The following AGPAT3 variants were observed in gnomAD, a reference collection of about 807,000 sequenced individuals.
The protein encoded by AGPAT3 is 1-acyl-sn-glycerol-3-phosphate acyltransferase gamma.
A neutral mutation model predicts 47.3 loss-of-function variants in AGPAT3; 5 were observed. The ratio of observed to expected loss-of-function variants is 0.11; its 90% confidence interval spans 0.06 to 0.22. AGPAT3 has a LOEUF of 0.22. AGPAT3 is among the 10% of genes least tolerant of loss of function. The pLI is 1.00. For missense variants in AGPAT3, 315 were observed against 493.0 expected (o/e 0.64, Z 3.42); for synonymous variants, 212 against 208.3 (o/e 1.02, Z -0.15).
chr21:43,958,220 G>A (rs1401638729), intron 2 of AGPAT3, among the ~76,000 whole-genome samples: 2 of 151,982 alleles, frequency 1.3e-5, no homozygotes, highest in African/African-American at 2.4e-5. Context: ...TTTCTTTCTG[G>A]TTTGCATGGG....
At chr21:43,895,759 GTTCT>G (rs2086202108) in intron 1 of AGPAT3, among the ~76,000 whole-genome samples, 2 of 151,574 alleles carry the variant, frequency 1.3e-5, no homozygotes, top group African/African-American at 4.9e-5. Context: ...CTAATTTTTT[GTTCT>G]TTGTTTTTCG....
In AGPAT3 at chr21:43,883,110, G is replaced by C. The variant is rs1281093172; in HGVS notation, c.-112+17765G>C. Reference sequence around the variant, plus strand: ...AGACTGTGAAGCTGTGATACACACAGAGTTGCTCCTTCCCTTCCTGGCTGG... The same window carrying C: ...AGACTGTGAAGCTGTGATACACACACAGTTGCTCCTTCCCTTCCTGGCTGG... On this transcript the variant is annotated intron_variant, in intron 1 of 9. Coordinates refer to ENST00000291572, the MANE Select transcript of AGPAT3 (RefSeq NM_020132.5). Among the ~76,000 whole-genome samples, 5 of 152,368 alleles carry C rather than the reference G, an allele frequency of 3.3e-5. No homozygotes were observed. In the South Asian group the frequency reaches 1.0e-3, roughly 32 times the overall value.
intron 2 of AGPAT3, among the ~76,000 whole-genome samples, chr21:43,940,824 C>G (rs2087629188): frequency 6.6e-6 from 1 of 152,240 alleles, no homozygotes; most frequent in Non-Finnish European, 1.5e-5. Flanking sequence ...CCCAGCTGCC[C>G]TTGACCAGAG....
intron 1 of AGPAT3, among the ~76,000 whole-genome samples, chr21:43,872,339 C>A (rs2085640580): frequency 1.3e-5 from 2 of 152,090 alleles, no homozygotes; most frequent in African/African-American, 4.8e-5. Flanking sequence ...CGCCACCATG[C>A]CTAGCTAATT....
At chr21:43,940,008 T>G (rs189459117) in intron 2 of AGPAT3, among the ~76,000 whole-genome samples, 63 of 152,030 alleles carry the variant, frequency 4.1e-4, no homozygotes, top group African/African-American at 1.4e-3. Flanking sequence ...GTCCCTTGAG[T>G]TGGTCTCTGT....
intron 4 of AGPAT3, among the ~76,000 whole-genome samples, chr21:43,968,353 A>G (rs1299703052): frequency 7.1e-6 from 1 of 140,340 alleles, no homozygotes; most frequent in Non-Finnish European, 1.5e-5. Context: ...TAGGGTGAGC[A>G]CCTTCCAGGG....
At chr21:43,937,327 T>C (rs957661984) in intron 2 of AGPAT3, among the ~76,000 whole-genome samples, 3 of 152,256 alleles carry the variant, frequency 2.0e-5, no homozygotes, top group Non-Finnish European at 2.9e-5. Context: ...TAGCAGAATC[T>C]GCCTTGAGCT....
chr21:43,882,773 C>T lies in AGPAT3; in HGVS notation c.-112+17428C>T, dbSNP rs556122158. ...CAGAGGGCCCTTGCTTGGGTCTCCT[C>T]CAGCCACGGGTGCCCTGGTCTTGGG... is the stretch of plus-strand genomic sequence containing the variant. On this transcript the variant is annotated intron_variant, in intron 1 of 9. Transcript: ENST00000291572. Among the ~76,000 whole-genome samples the T allele has an allele frequency of 2.0e-5, 3 of 152,348 alleles. No individual in the cohort carries two copies. In the South Asian group the frequency reaches 6.2e-4, roughly 32 times the overall value.
At chr21:43,968,345 G>A (rs905957544) in intron 4 of AGPAT3, among the ~76,000 whole-genome samples, 1 of 150,780 alleles carries the variant, frequency 6.6e-6, no homozygotes, top group African/African-American at 2.4e-5. Context: ...GGAGAGGCTA[G>A]GGTGAGCACC....
intron 2 of AGPAT3, among the ~76,000 whole-genome samples, chr21:43,909,680 C>T (rs2086587887): frequency 6.6e-6 from 1 of 152,168 alleles, no homozygotes; most frequent in African/African-American, 2.4e-5. Flanking sequence ...GCTGTTCCAT[C>T]ATATTTGTCT....
In AGPAT3 at chr21:43,930,379, T is replaced by C. The variant is rs2087200447; in HGVS notation, c.-49+26360T>C. Among the ~76,000 whole-genome samples, 1 of 152,188 alleles carries C rather than the reference T, an allele frequency of 6.6e-6. No individual in the cohort carries two copies. On this transcript the variant is annotated intron_variant, in intron 2 of 9. Coordinates refer to ENST00000291572, the MANE Select transcript of AGPAT3 (RefSeq NM_020132.5). The surrounding 1 kb of genome is among the most constrained non-coding windows in gnomAD (Gnocchi z 5.0). ...GGCAGTGGAGCTAGCGGGGCAGAGC[T>C]GTGCTGAGCGCTGAGGGATCATTTG...
Position 43,920,899 on chromosome 21 carries a change from G to A in AGPAT3, c.-49+16880G>A, listed in dbSNP as rs1230512663. ...CCAGCACTTTGGGAGGCTGAGGCGG[G>A]CAGATCACGAGGTCAGGAGATCAAG... On this transcript the variant is annotated intron_variant, in intron 2 of 9. Transcript: ENST00000291572. The surrounding 1 kb of genome is among the most constrained non-coding windows in gnomAD (Gnocchi z 6.1). 6.6e-6 allele frequency among the ~76,000 whole-genome samples: 1 copy of A among 151,862 alleles called. No individual in the cohort carries two copies. Among genetic ancestry groups the A allele is most frequent in the Admixed American group, 6.6e-5 (1 of 15,232 alleles).
intron 2 of AGPAT3, among the ~76,000 whole-genome samples, chr21:43,904,698 C>T (rs1415337706): frequency 6.6e-6 from 1 of 152,160 alleles, no homozygotes; most frequent in African/African-American, 2.4e-5. Context: ...TCATAGGGCC[C>T]CTGCCCACTG....
intron 2 of AGPAT3, chr21:43,948,469 A>C (rs1325173042): frequency 1.3e-5 from 2 of 152,254 alleles, no homozygotes; most frequent in Non-Finnish European, 1.5e-5. Context: ...GGATGGGATT[A>C]CCTTTATGGC....
chr21:43,907,035 T>C (rs1187498001), intron 2 of AGPAT3, among the ~76,000 whole-genome samples: 1 of 148,214 alleles, frequency 6.7e-6, no homozygotes, highest in Non-Finnish European at 1.5e-5. Context: ...CTTTCTTTTT[T>C]TTTTTTTTTT....
chr21:43,958,949 G>A (rs539316333), intron 2 of AGPAT3, among the ~76,000 whole-genome samples: 51 of 139,106 alleles, frequency 3.7e-4, no homozygotes, highest in East Asian at 2.7e-3. Context: ...TGTGTGTGGC[G>A]TGTATGTGGT....
At position 43,986,793 on chromosome 21, in the gene AGPAT3, G is replaced by A. The variant is rs1362020974; in HGVS notation, c.*4401G>A. Among the ~76,000 whole-genome samples the A allele has an allele frequency of 6.6e-6, 1 of 152,194 alleles. No homozygotes were observed. The highest frequency in any genetic ancestry group is 1.5e-5 in the Non-Finnish European group (1 of 68,038). ...CGCTGACTGTTGGCCAGTTTCAAAG[G>A]GACCCATTGTATACAGGGTGCAAAT... On this transcript the variant is annotated 3_prime_UTR_variant, in exon 10 of 10. Transcript: ENST00000291572.
chr21:43,958,518 GT>G (rs1427330032), intron 2 of AGPAT3, among the ~76,000 whole-genome samples: 1 of 151,536 alleles, frequency 6.6e-6, no homozygotes, highest in Non-Finnish European at 1.5e-5. Flanking sequence ...CGTGTGTGTC[GT>G]TTTTGGTGTG....
At chr21:43,869,646 G>C (rs1041851341) in intron 1 of AGPAT3, among the ~76,000 whole-genome samples, 3 of 152,152 alleles carry the variant, frequency 2.0e-5, no homozygotes, top group Non-Finnish European at 4.4e-5. Context: ...CTGGGGAGGA[G>C]GAGCCTCAGA....
Sources: gnomAD v4.1 joint callset for allele counts (sites outside exome capture counted in the v4.1 genomes callset) on GRCh38, gnomAD v4.1.1 for gene constraint, Gnocchi (gnomAD v3.1) non-coding constraint, MANE v1.5 for transcripts, NCBI Gene and HGNC (gene_info 2026-07-23, HGNC 2026-07-21) for gene names.